AKR1C2: variants seen among roughly 807,000 people sequenced by gnomAD.
The protein encoded by AKR1C2 is 3-alpha-HSD3.
A neutral mutation model predicts 39.8 loss-of-function variants in AKR1C2; 27 were observed. The ratio of observed to expected loss-of-function variants is 0.68; its 90% CI spans 0.50 to 0.93. The LOEUF is 0.93. Among genes scored for constraint, AKR1C2 ranks in the 40% least tolerant of loss-of-function variants. The pLI is 0.00. For synonymous variants in AKR1C2, 114 were observed against 137.9 expected, an observed-to-expected ratio of 0.83 and a Z score of 1.22; for missense variants, 263 against 365.1, an observed-to-expected ratio of 0.72 and a Z score of 2.28.
At chr10:5,013,002 A>G (rs1482280930) in intron 1 of AKR1C2, among the ~76,000 whole-genome samples, 1 of 152,146 alleles carries the variant, frequency 6.6e-6, no homozygotes, top group Non-Finnish European at 1.5e-5. Context: ...CTCTTCCTAC[A>G]CTTGAATGAA....
rs1240885966 is a variant in AKR1C2, at chr10:4,988,383, G to T, written c.*1613C>A. ...CATGGAGATGCAGAGTTCACATTAT[G>T]ATCTTCCATTGAAGATTTGGAGGAA... On this transcript the variant is annotated 3_prime_UTR_variant, in exon 9 of 9. Coordinates refer to ENST00000380753, the MANE Select transcript of AKR1C2 (RefSeq NM_001393392.1). The T allele has an allele frequency of 2.0e-5, 3 of 151,986 alleles. No individual in the cohort carries two copies. Among genetic ancestry groups the T allele is most frequent in the African/African-American group, 7.3e-5 (3 of 41,360 alleles). The allele number at this position is 151,986 out of a possible 1,614,324, so 9.4% of individuals were successfully genotyped here.
intron 1 of AKR1C2, among the ~76,000 whole-genome samples, chr10:5,017,354 T>C (rs1304043100): frequency 3.9e-5 from 6 of 152,242 alleles, no homozygotes; most frequent in African/African-American, 1.2e-4. Context: ...AATATGCTGT[T>C]AGAGGCAGCC....
intron 1 of AKR1C2, among the ~76,000 whole-genome samples, chr10:5,016,280 C>G (rs1837637497): frequency 6.6e-6 from 1 of 152,178 alleles, no homozygotes; most frequent in Non-Finnish European, 1.5e-5. Flanking sequence ...TGAGACAAGG[C>G]AAGTCCCTTC....
chr10:4,991,146 T>G lies in AKR1C2; in HGVS notation c.929+685A>C, dbSNP rs1836826894. ...ATAAATTATCTCCAATAATGGTGCT[T>G]TTGCATCTACACTCTGCATTTGATT... is the stretch of plus-strand genomic sequence containing the variant. On this transcript the variant is annotated intron_variant, in intron 8 of 8. Transcript: ENST00000380753. Among the ~76,000 whole-genome samples, 2 of 150,818 alleles carry G rather than the reference T, an allele frequency of 1.3e-5. 1 individual carries two copies. Among genetic ancestry groups the G allele is most frequent in the African/African-American group, 5.0e-5 (2 of 40,388 alleles).
At chr10:5,017,133 T>C (rs1289057918) in intron 1 of AKR1C2, among the ~76,000 whole-genome samples, 1 of 152,244 alleles carries the variant, frequency 6.6e-6, no homozygotes, top group Non-Finnish European at 1.5e-5. Flanking sequence ...CTGAAATACC[T>C]TGGAGGCATT....
At chr10:4,994,482 T>C (rs1424433667) in intron 7 of AKR1C2, among the ~76,000 whole-genome samples, 1 of 152,126 alleles carries the variant, frequency 6.6e-6, no homozygotes, top group Non-Finnish European at 1.5e-5. Context: ...CATTAGGTGA[T>C]AGAATTTCCC....
Position 5,014,303 on chromosome 10 carries a change from A to G in AKR1C2, c.-88+3597T>C, listed in dbSNP as rs1251195256. ...TTTTCCAAAGCAAAACCTCTCTCCT[A>G]TTGTCCAGGCTGTCCTCTGCTATGG... On this transcript the variant is annotated intron_variant, in intron 1 of 6. Coordinates refer to the AKR1C2 transcript ENST00000604507. Among the ~76,000 whole-genome samples the G allele has an allele frequency of 3.0e-4, 45 of 151,956 alleles. 1 individual carries two copies. Among genetic ancestry groups the G allele is most frequent in the Non-Finnish European group, 5.9e-5 (4 of 67,992 alleles).
At chr10:5,012,332 G>C (rs141262156) in intron 1 of AKR1C2, among the ~76,000 whole-genome samples, 1,613 of 151,838 alleles carry the variant, frequency 0.011, 29 homozygotes, top group African/African-American at 0.037. Context: ...ATCTTTGGAA[G>C]CTGTGACTAT....
rs1447757968 is a variant in AKR1C2, at chr10:4,989,130, A to T, written c.*866T>A. Reference sequence around the variant, plus strand: ...GAACAGTACATTTTTACAATCTAAGAATATTTTCTAAATATGAGCTATTCA... The same window carrying T: ...GAACAGTACATTTTTACAATCTAAGTATATTTTCTAAATATGAGCTATTCA... On this transcript the variant is annotated 3_prime_UTR_variant, in exon 9 of 9. Transcript: ENST00000380753. The T allele has an allele frequency of 6.6e-6, 1 of 152,194 alleles. No homozygotes were observed. The highest frequency in any genetic ancestry group is 1.5e-5 in the Non-Finnish European group (1 of 68,036). 9.4% of individuals were successfully genotyped at this position (152,194 alleles called of 1,614,324 possible).
At chr10:5,011,126 T>C (rs1341092135) in intron 1 of AKR1C2, among the ~76,000 whole-genome samples, 37 of 150,232 alleles carry the variant, frequency 2.5e-4, no homozygotes, top group African/African-American at 9.0e-4. Context: ...GGCACTGATA[T>C]CCAAAATTTA....
At chr10:5,010,885 T>A (rs1837509606) in intron 1 of AKR1C2, among the ~76,000 whole-genome samples, 1 of 152,092 alleles carries the variant, frequency 6.6e-6, no homozygotes, top group South Asian at 2.1e-4. Context: ...CCTGAGACTA[T>A]CAAGTGCTAG....
At chr10:5,000,187 G>A (rs868909946) in intron 3 of AKR1C2, 1 of 1,407,580 alleles carries the variant, frequency 7.1e-7, no homozygotes, top group Non-Finnish European at 9.2e-7. Flanking sequence ...CCTATGTGCA[G>A]CAGGTTTTCT....
At chr10:4,996,558 A>ATATATG (rs1298163188) in intron 5 of AKR1C2, among the ~76,000 whole-genome samples, 1 of 147,248 alleles carries the variant, frequency 6.8e-6, no homozygotes, top group Admixed American at 6.8e-5. Context: ...ATATATATAT[A>ATATATG]TATGCTGAGT....
chr10:5,000,798 C>T, intron 2 of AKR1C2, 132 bp from the exon 3 acceptor site: 1 of 720,086 alleles, frequency 1.4e-6, no homozygotes, highest in Non-Finnish European at 2.4e-6. Flanking sequence ...TCTCTCTCTT[C>T]TTGTGATGCC....
At chr10:4,992,847 G>A (rs1554772407) in intron 7 of AKR1C2, among the ~76,000 whole-genome samples, 4 of 152,172 alleles carry the variant, frequency 2.6e-5, no homozygotes, top group African/African-American at 9.7e-5. Context: ...CTACTCTGGA[G>A]GCTGAGGCAG....
In AKR1C2 at chr10:4,995,491, G is replaced by A; in HGVS notation, c.681-7C>T. 4.6e-6 allele frequency: 7 copies of A among 1,510,214 alleles called. No homozygotes were observed. The highest frequency in any genetic ancestry group is 6.2e-6 in the Non-Finnish European group (7 of 1,132,922). 93.6% of individuals were successfully genotyped at this position (1,510,214 alleles called of 1,614,324 possible). A position where few individuals can be genotyped will look rare whatever the true frequency, so the allele number is the denominator to read the frequency against. The stretch of plus-strand genomic sequence containing the variant: ...CGGGGAGTTCGGGTCCACCCTGGAA[G>A]GAAAGGCAGAAAGGCTGAGGCCCTG... On this transcript the variant is annotated splice_region_variant and splice_polypyrimidine_tract_variant and intron_variant, in intron 6 of 8. Transcript: ENST00000380753.
chr10:4,996,570 G>T (rs1442396855), intron 5 of AKR1C2, among the ~76,000 whole-genome samples: 2 of 141,470 alleles, frequency 1.4e-5, no homozygotes, highest in East Asian at 4.5e-4. Context: ...ATGCTGAGTA[G>T]ATGTGAGCAT....
In AKR1C2 at chr10:5,000,126, T is replaced by G. The variant is rs1430562559; in HGVS notation, c.369+424A>C. 7 of 1,250,914 alleles carry G rather than the reference T, an allele frequency of 5.6e-6. No individual in the cohort carries two copies. In the African/African-American group the frequency reaches 6.1e-5, roughly 11 times the overall value. The allele number at this position is 1,250,914 out of a possible 1,614,324, so 77.5% of individuals were successfully genotyped here. On this transcript the variant is annotated intron_variant, in intron 3 of 8. Coordinates refer to ENST00000380753, the MANE Select transcript of AKR1C2 (RefSeq NM_001393392.1). ...TTTGTAGTTTAAGACATTCCCGGAC[T>G]GAGTTCTTGCCCCTTGAAAAGAGGC...
At chr10:5,014,642 C>T (rs1305549999) in intron 1 of AKR1C2, among the ~76,000 whole-genome samples, 1 of 152,124 alleles carries the variant, frequency 6.6e-6, no homozygotes, top group Non-Finnish European at 1.5e-5. Context: ...GGTGCCTGGA[C>T]CTCAGCACTG....
Sources: allele counts gnomAD v4.1 joint callset (sites outside exome capture counted in the v4.1 genomes callset), GRCh38; gene constraint gnomAD v4.1.1; transcripts MANE v1.5; gene names NCBI Gene and HGNC (gene_info 2026-07-23, HGNC 2026-07-21).